Variants in TAPBPL observed in about 807,000 individuals in gnomAD.
TAPBPL encodes tapasin-related protein.
TAPBPL carries 32 observed loss-of-function variants against 44.8 expected under a neutral mutation model. The observed-to-expected ratio is 0.71, with a 90% CI of 0.54 to 0.96. TAPBPL has a LOEUF of 0.96. Among genes scored for constraint, TAPBPL ranks in the 40% least tolerant of loss-of-function variants. The pLI, the probability that TAPBPL is intolerant of heterozygous loss-of-function variation, is 0.00. For synonymous variants in TAPBPL, 230 were observed against 240.7 expected, an observed-to-expected ratio of 0.96 and a Z score of 0.41; for missense variants, 520 against 586.6, an observed-to-expected ratio of 0.89 and a Z score of 1.17.
At chr12:6,464,774 G>A (rs1949962303), downstream of TAPBPL, 2 of 1,555,582 alleles carry the variant, frequency 1.3e-6, no homozygotes, top group Non-Finnish European at 1.7e-6. Context: ...TCCCATAGCA[G>A]CGGTCTCCAT....
downstream of TAPBPL, chr12:6,466,103 G>A: frequency 6.2e-7 from 1 of 1,609,922 alleles, no homozygotes; most frequent in Non-Finnish European, 8.5e-7. Context: ...ACTCTAAAGG[G>A]TGCTTTGCCT....
chr12:6,459,539 C>T (rs1422752970), intron 5 of TAPBPL, among the ~76,000 whole-genome samples: 3 of 152,164 alleles, frequency 2.0e-5, no homozygotes, highest in Non-Finnish European at 4.4e-5. Context: ...TCCCATTTTA[C>T]AGGTGAGTAA....
At chr12:6,456,303 C>G (rs1015397705) in intron 3 of TAPBPL, among the ~76,000 whole-genome samples, 1 of 151,822 alleles carries the variant, frequency 6.6e-6, no homozygotes, top group African/African-American at 2.4e-5. Flanking sequence ...GATTGTTTTC[C>G]TCATTTCCTC....
At chr12:6,454,430 T>G (rs1290014916) in intron 3 of TAPBPL, among the ~76,000 whole-genome samples, 1 of 152,058 alleles carries the variant, frequency 6.6e-6, no homozygotes, top group African/African-American at 2.4e-5. Context: ...ATTGCGCCAC[T>G]GCACTCCAGC....
chr12:6,455,747 T>C (rs747124353), intron 3 of TAPBPL, among the ~76,000 whole-genome samples: 11 of 149,044 alleles, frequency 7.4e-5, no homozygotes, highest in Non-Finnish European at 1.3e-4. Context: ...CTGGGCAACA[T>C]AGAGAGCGAG....
rs557966085 is a variant in TAPBPL at position 6,459,012 on chromosome 12, C to A, written c.1207+65C>A. 5.9e-5 allele frequency: 91 copies of A among 1,539,762 alleles called. 2 individuals carry two copies. In the African/African-American group the frequency reaches 1.1e-3, roughly 19 times the overall value. On this transcript the variant is annotated intron_variant, in intron 5 of 6. Transcript: ENST00000266556. ...GGCTCATGGCTCTCCTGCCCCAGCTCATCTATGGCCTTGTTCTGCTGCCCA... is the reference window on the plus strand; with the variant it reads ...GGCTCATGGCTCTCCTGCCCCAGCTAATCTATGGCCTTGTTCTGCTGCCCA...
At chr12:6,455,920 C>G (rs1344245991) in intron 3 of TAPBPL, among the ~76,000 whole-genome samples, 1 of 152,034 alleles carries the variant, frequency 6.6e-6, no homozygotes, top group Non-Finnish European at 1.5e-5. Flanking sequence ...GCCACCACAC[C>G]AGCTAATTTT....
At chr12:6,459,917 C>T (rs542962554) in intron 5 of TAPBPL, among the ~76,000 whole-genome samples, 6 of 151,874 alleles carry the variant, frequency 4.0e-5, no homozygotes, top group African/African-American at 1.2e-4. Context: ...ATTACAGGCG[C>T]GCACCACCAC....
At chr12:6,465,046 A>G, downstream of TAPBPL, 2 of 1,542,880 alleles carry the variant, frequency 1.3e-6, no homozygotes, top group Admixed American at 1.9e-5. Context: ...GGACAATGGA[A>G]AAAACCACCC....
chr12:6,462,458 T>C, downstream of TAPBPL: 1 of 493,014 alleles, frequency 2.0e-6, no homozygotes, highest in Non-Finnish European at 3.6e-6. Flanking sequence ...CTCAGCTTCA[T>C]TTGACTGCAA....
At chr12:6,464,080 T>C (rs1452595403), downstream of TAPBPL, 1 of 1,303,490 alleles carries the variant, frequency 7.7e-7, no homozygotes, top group Admixed American at 2.3e-5. Flanking sequence ...GGCCAGGTTT[T>C]CTAGAAGTCA....
chr12:6,465,436 A>ATATATGTATATATATATATAAATGTATC (rs1949995068), downstream of TAPBPL: 1 of 134,358 alleles, frequency 7.4e-6, no homozygotes, highest in East Asian at 2.3e-4. Flanking sequence ...ATAAATGTAT[A>ATATATGTATATATATATATAAATGTATC]TATATGTATA....
downstream of TAPBPL, chr12:6,464,136 T>C: frequency 7.3e-7 from 1 of 1,372,750 alleles, no homozygotes; most frequent in Non-Finnish European, 9.6e-7. Context: ...GGCAGCTTCA[T>C]GGGTACTTCG....
chr12:6,470,645 C>G (rs1165782804), downstream of TAPBPL: 2 of 1,448,708 alleles, frequency 1.4e-6, no homozygotes, highest in African/African-American at 2.8e-5. Flanking sequence ...CTCGCGCCGA[C>G]TACCCCGCGG....
At chr12:6,461,159 A>G (rs1351488365) in intron 6 of TAPBPL, 1 of 1,373,230 alleles carries the variant, frequency 7.3e-7, no homozygotes, top group Non-Finnish European at 9.4e-7. Flanking sequence ...CCTGCCTCAG[A>G]GTAGAAAGAA....
intron 6 of TAPBPL, 38 bp from the exon 7 acceptor site, chr12:6,461,996 T>A: frequency 6.4e-7 from 1 of 1,565,000 alleles, no homozygotes; most frequent in Non-Finnish European, 8.8e-7. Context: ...CAGTGTGAGA[T>A]GCCCACGCAA....
chr12:6,459,050 G>C (rs560842711), intron 5 of TAPBPL, 103 bp downstream of exon 5: 1 of 1,342,406 alleles, frequency 7.4e-7, no homozygotes, highest in Admixed American at 2.4e-5. Context: ...CACTTTGTTC[G>C]CAGCCCTGGC....
chr12:6,458,539 T>C (rs1261907220), intron 4 of TAPBPL, 106 bp from the exon 5 acceptor site: 3 of 1,382,622 alleles, frequency 2.2e-6, no homozygotes, highest in Non-Finnish European at 3.0e-6. Flanking sequence ...AGGGACACTG[T>C]AGCCTCCACA....
At chr12:6,456,988 A>G (rs897748644) in intron 3 of TAPBPL, among the ~76,000 whole-genome samples, 4 of 152,220 alleles carry the variant, frequency 2.6e-5, no homozygotes, top group Admixed American at 6.5e-5. Context: ...TCTAGTCTTC[A>G]CAGCATCCTT....
Sources: allele counts gnomAD v4.1 joint callset (sites outside exome capture counted in the v4.1 genomes callset), GRCh38; gene constraint gnomAD v4.1.1; transcripts MANE v1.5; gene names NCBI Gene and HGNC (gene_info 2026-07-23, HGNC 2026-07-21).